Variants in CTDSPL observed in about 807,000 individuals in gnomAD.
CTDSPL encodes CTD small phosphatase-like protein.
Under a neutral mutation model 30.5 loss-of-function variants are expected in CTDSPL, and 8 were observed. The ratio of observed to expected loss-of-function variants is 0.26; its 90% CI spans 0.15 to 0.47. The LOEUF is 0.47. Among genes scored for constraint, CTDSPL ranks in the 20% least tolerant of loss-of-function variants. The probability of loss-of-function intolerance (pLI) is 0.99; values close to 1 mark genes in which losing one functional copy is unlikely to be tolerated. For synonymous variants in CTDSPL, 110 were observed against 137.9 expected, an observed-to-expected ratio of 0.80 and a Z score of 1.42; for missense variants, 248 against 366.1, an observed-to-expected ratio of 0.68 and a Z score of 2.63.
intron 2 of CTDSPL, among the ~76,000 whole-genome samples, chr3:37,954,167 G>T (rs1239735391): frequency 6.6e-6 from 1 of 152,212 alleles, no homozygotes. Flanking sequence ...AGCTTTCCTG[G>T]AGTACTCAGC....
At chr3:37,962,325 A>G (rs1699253192) in intron 3 of CTDSPL, among the ~76,000 whole-genome samples, 1 of 152,228 alleles carries the variant, frequency 6.6e-6, no homozygotes, top group Non-Finnish European at 1.5e-5. Flanking sequence ...AGCTGTGTGC[A>G]TTTAGGAAAC....
intron 2 of CTDSPL, chr3:37,954,664 A>T (rs1434606678): frequency 6.6e-6 from 1 of 152,274 alleles, no homozygotes; most frequent in Non-Finnish European, 1.5e-5. Flanking sequence ...GACCTGGAGA[A>T]ATGAGGATTT....
rs577276046 is a variant in CTDSPL at position 37,872,514 on chromosome 3, G to A, written c.79+10236G>A. ...TGCCTTGTTAATGTCAGGTGGAGTG[G>A]ATGTCAAGTCTTCCTACTTAGGCTC... On this transcript the variant is annotated intron_variant, in intron 1 of 7. Coordinates refer to ENST00000273179, the MANE Select transcript of CTDSPL (RefSeq NM_001008392.2). Among the ~76,000 whole-genome samples the A allele has an allele frequency of 2.3e-4, 32 of 141,078 alleles. No homozygotes were observed. The South Asian group carries it at 4.6e-3, about 20-fold the overall frequency. 92.6% of individuals were successfully genotyped at this position (141,078 alleles called of 152,430 possible).
At chr3:37,874,719 A>G (rs1320844613) in intron 1 of CTDSPL, among the ~76,000 whole-genome samples, 1 of 151,976 alleles carries the variant, frequency 6.6e-6, no homozygotes, top group Non-Finnish European at 1.5e-5. Flanking sequence ...ACAGAGCGAG[A>G]CTCTGTCTCA....
At chr3:37,954,837 C>T (rs1361409900) in intron 2 of CTDSPL, 1 of 152,254 alleles carries the variant, frequency 6.6e-6, no homozygotes, top group Non-Finnish European at 1.5e-5. Flanking sequence ...AGGGCAAGGA[C>T]AGCGTAAAAC....
At chr3:37,938,691 T>TTTTTTTTTGAAAGACTCCA (rs1174321688) in intron 1 of CTDSPL, among the ~76,000 whole-genome samples, 1 of 146,270 alleles carries the variant, frequency 6.8e-6, no homozygotes, top group Non-Finnish European at 1.5e-5. Flanking sequence ...TTTTTTTTTG[T>TTTTTTTTTGAAAGACTCCA]TTTTTTTGAA....
intron 1 of CTDSPL, among the ~76,000 whole-genome samples, chr3:37,879,766 A>T (rs1485201623): frequency 1.3e-5 from 2 of 152,204 alleles, no homozygotes; most frequent in Non-Finnish European, 2.9e-5. Flanking sequence ...CTTAAGAGTT[A>T]TGTGAACTCT....
chr3:37,922,770 G>A (rs1027267455), intron 1 of CTDSPL, among the ~76,000 whole-genome samples: 7 of 152,198 alleles, frequency 4.6e-5, no homozygotes, highest in African/African-American at 1.7e-4. Flanking sequence ...GGCAAGGGAA[G>A]CTTGGGAACA....
rs1049482172 is a variant in CTDSPL at position 37,984,100 on chromosome 3, G to C, written c.*3233G>C. ...CTACGTTTGTGCCTCTGCTTTTAAAGGTGCTGTGCTGGACAGTTGGCATGC... is the reference window on the plus strand; with the variant it reads ...CTACGTTTGTGCCTCTGCTTTTAAACGTGCTGTGCTGGACAGTTGGCATGC... On this transcript the variant is annotated 3_prime_UTR_variant, in exon 8 of 8. Coordinates refer to ENST00000273179, the MANE Select transcript of CTDSPL (RefSeq NM_001008392.2). 4.9e-6 allele frequency: 2 copies of C among 410,796 alleles called. No homozygotes were observed. Among genetic ancestry groups the C allele is most frequent in the Non-Finnish European group, 1.0e-5 (2 of 194,930 alleles). The allele number at this position is 410,796 out of a possible 1,614,324, so 25.4% of individuals were successfully genotyped here.
chr3:37,897,488 G>A (rs964358566), intron 1 of CTDSPL, among the ~76,000 whole-genome samples: 1 of 152,118 alleles, frequency 6.6e-6, no homozygotes, highest in Non-Finnish European at 1.5e-5. Context: ...TTATGGGACA[G>A]TATAATTTCA....
In CTDSPL at chr3:37,975,511, C is replaced by T. The variant is rs1211418763; in HGVS notation, c.520-198C>T. On this transcript the variant is annotated intron_variant, in intron 6 of 7. Transcript: ENST00000273179. The surrounding 1 kb of genome is among the most constrained non-coding windows in gnomAD (Gnocchi z 4.9). ...ATCTTTGGAGATGAAACTGACAATT[C>T]CTGATGGTTGGATGTGAGAGAAATG... is the stretch of plus-strand genomic sequence containing the variant. Among the ~76,000 whole-genome samples the T allele has an allele frequency of 6.6e-6, 1 of 152,172 alleles. No homozygotes were observed. The highest frequency in any genetic ancestry group is 1.5e-5 in the Non-Finnish European group (1 of 68,036).
intron 1 of CTDSPL, among the ~76,000 whole-genome samples, chr3:37,919,049 G>C (rs768670005): frequency 2.6e-5 from 4 of 152,054 alleles, no homozygotes; most frequent in Non-Finnish European, 5.9e-5. Context: ...AAAATCTCTC[G>C]TTGGCTGAAT....
intron 1 of CTDSPL, among the ~76,000 whole-genome samples, chr3:37,932,181 A>G (rs1462514063): frequency 6.6e-6 from 1 of 152,164 alleles, no homozygotes; most frequent in Non-Finnish European, 1.5e-5. Context: ...CTTTTGGAGG[A>G]AAAGGGCAGA....
intron 2 of CTDSPL, 60 bp downstream of exon 2, chr3:37,947,271 A>G: frequency 1.9e-6 from 3 of 1,556,272 alleles, no homozygotes; most frequent in Non-Finnish European, 2.6e-6. Context: ...TCTCTGTCCC[A>G]TCCTTGATGA....
At chr3:37,977,920 A>G (rs1476836579) in intron 7 of CTDSPL, among the ~76,000 whole-genome samples, 3 of 152,082 alleles carry the variant, frequency 2.0e-5, no homozygotes, top group African/African-American at 7.2e-5. Flanking sequence ...AAAAAATAAT[A>G]CATCATGGGT....
intron 3 of CTDSPL, among the ~76,000 whole-genome samples, chr3:37,963,773 G>A (rs1426300207): frequency 6.6e-6 from 1 of 152,034 alleles, no homozygotes; most frequent in African/African-American, 2.4e-5. Context: ...CGAGATTTGA[G>A]TCACCTGCTA....
chr3:37,967,528 A>T (rs1699311720), intron 4 of CTDSPL, among the ~76,000 whole-genome samples: 1 of 152,202 alleles, frequency 6.6e-6, no homozygotes, highest in South Asian at 2.1e-4. Flanking sequence ...ACTCTGGGCA[A>T]GAGCTGGAGT....
intron 1 of CTDSPL, among the ~76,000 whole-genome samples, chr3:37,913,413 T>C (rs544070646): frequency 3.9e-5 from 6 of 152,216 alleles, no homozygotes; most frequent in Admixed American, 1.3e-4. Context: ...AGAGCAAGAC[T>C]CTGGCCATGA....
intron 1 of CTDSPL, among the ~76,000 whole-genome samples, chr3:37,893,541 T>C (rs1048348557): frequency 6.6e-6 from 1 of 152,232 alleles, no homozygotes; most frequent in African/African-American, 2.4e-5. Flanking sequence ...AACTCGAATG[T>C]GTCCTTTCAG....
Sources: gnomAD v4.1 joint callset for allele counts (sites outside exome capture counted in the v4.1 genomes callset) on GRCh38, gnomAD v4.1.1 for gene constraint, Gnocchi (gnomAD v3.1) non-coding constraint, MANE v1.5 for transcripts, NCBI Gene and HGNC (gene_info 2026-07-23, HGNC 2026-07-21) for gene names.